The following GRIK1 variants were observed in gnomAD, a reference collection of about 807,000 sequenced individuals.
GRIK1 encodes glutamate ionotropic receptor kainate type subunit 1.
In GRIK1, 69 loss-of-function variants were observed where a neutral mutation model predicts 105.7. That is an observed-to-expected ratio of 0.65 (90% CI 0.54 to 0.80). GRIK1 has a LOEUF of 0.80. GRIK1 is among the 30% of genes least tolerant of loss of function. The pLI is 0.00. For missense variants in GRIK1, 1,109 were observed against 1,167.3 expected, an observed-to-expected ratio of 0.95 and a Z score of 0.73; for synonymous variants, 438 against 431.3, an observed-to-expected ratio of 1.02 and a Z score of -0.19.
At chr21:29,691,846 T>C (rs1475513974) in intron 2 of GRIK1, among the ~76,000 whole-genome samples, 1 of 152,234 alleles carries the variant, frequency 6.6e-6, no homozygotes, top group African/African-American at 2.4e-5. Context: ...AGCAAATGTT[T>C]ACAAGAAAAA....
At chr21:29,918,968 A>T (rs2071097768) in intron 1 of GRIK1, among the ~76,000 whole-genome samples, 1 of 151,912 alleles carries the variant, frequency 6.6e-6, no homozygotes, top group Non-Finnish European at 1.5e-5. Flanking sequence ...GCGAAGGGGA[A>T]GGCAAGGGAT....
rs1032488505 is a variant in GRIK1 at position 29,871,302 on chromosome 21, T to C, written c.118+68081A>G. Among the ~76,000 whole-genome samples, 3 of 152,176 alleles carry C rather than the reference T, an allele frequency of 2.0e-5. No homozygotes were observed. The East Asian group carries it at 5.8e-4, about 29-fold the overall frequency. On this transcript the variant is annotated intron_variant, in intron 1 of 17. Transcript: ENST00000327783. ...CCAGCATTTATAGAACACTTAAAAT[T>C]GTGAAGCATCCTGCAAAGCCCCCTT...
At chr21:29,700,383 G>T (rs577791467) in intron 1 of GRIK1, among the ~76,000 whole-genome samples, 5 of 152,286 alleles carry the variant, frequency 3.3e-5, no homozygotes, top group African/African-American at 9.6e-5. Flanking sequence ...CAACTGCTGG[G>T]TCAACAACAT....
At chr21:29,807,035 A>G (rs1271428279) in intron 1 of GRIK1, among the ~76,000 whole-genome samples, 1 of 152,198 alleles carries the variant, frequency 6.6e-6, no homozygotes, top group African/African-American at 2.4e-5. Context: ...TGATTCAGAT[A>G]CAGGTCTCAA....
chr21:29,668,261 T>C (rs1041254613), intron 4 of GRIK1, among the ~76,000 whole-genome samples: 2 of 152,192 alleles, frequency 1.3e-5, no homozygotes, highest in African/African-American at 4.8e-5. Context: ...GTAAATGTCT[T>C]AATTCACTAT....
At chr21:29,706,898 TC>T (rs1300043599) in intron 1 of GRIK1, among the ~76,000 whole-genome samples, 1 of 152,122 alleles carries the variant, frequency 6.6e-6, no homozygotes, top group African/African-American at 2.4e-5. Flanking sequence ...GGAGTCTCGC[TC>T]TGTTGCCCAG....
chr21:29,854,314 G>A (rs1418014925), intron 1 of GRIK1, among the ~76,000 whole-genome samples: 2 of 148,538 alleles, frequency 1.3e-5, no homozygotes, highest in Non-Finnish European at 3.0e-5. Flanking sequence ...CTATTCATGA[G>A]ATATTTGTTC....
intron 1 of GRIK1, among the ~76,000 whole-genome samples, chr21:29,724,381 G>A (rs1054176722): frequency 7.2e-5 from 11 of 152,142 alleles, no homozygotes; most frequent in Non-Finnish European, 1.6e-4. Flanking sequence ...AATCTGGCAG[G>A]ATTCATTTCT....
intron 7 of GRIK1, among the ~76,000 whole-genome samples, chr21:29,627,390 G>A (rs1254217528): frequency 6.6e-6 from 1 of 152,186 alleles, no homozygotes; most frequent in Non-Finnish European, 1.5e-5. Context: ...GAAAAGTAGA[G>A]GGAAGGTACC....
At chr21:29,716,050 A>C (rs930662101) in intron 1 of GRIK1, among the ~76,000 whole-genome samples, 6 of 151,896 alleles carry the variant, frequency 4.0e-5, no homozygotes, top group Non-Finnish European at 5.9e-5. Flanking sequence ...TTCTCATGAG[A>C]TCTGATGGTT....
At chr21:29,888,566 G>C (rs1410859288) in intron 1 of GRIK1, among the ~76,000 whole-genome samples, 1 of 151,522 alleles carries the variant, frequency 6.6e-6, no homozygotes, top group Non-Finnish European at 1.5e-5. Flanking sequence ...CCATTCACCC[G>C]GCCTAGCCCC....
intron 1 of GRIK1, among the ~76,000 whole-genome samples, chr21:29,737,830 G>A (rs1407535599): frequency 6.6e-6 from 1 of 152,220 alleles, no homozygotes; most frequent in Non-Finnish European, 1.5e-5. Context: ...CCTGTCAGAT[G>A]CGATCACCAT....
chr21:29,914,196 T>G (rs1417681734), intron 1 of GRIK1, among the ~76,000 whole-genome samples: 1 of 151,978 alleles, frequency 6.6e-6, no homozygotes, highest in East Asian at 1.9e-4. Flanking sequence ...CACCACACAT[T>G]GCTGAATGTC....
At chr21:29,875,284 C>T (rs774249917) in intron 1 of GRIK1, among the ~76,000 whole-genome samples, 1 of 152,068 alleles carries the variant, frequency 6.6e-6, no homozygotes, top group Admixed American at 6.6e-5. Context: ...AATGATTACT[C>T]TCTTTCTTCA....
chr21:29,888,218 T>TCTCTCTCC (rs2069744120), intron 1 of GRIK1, among the ~76,000 whole-genome samples: 1 of 129,106 alleles, frequency 7.7e-6, no homozygotes, highest in East Asian at 2.3e-4. Flanking sequence ...TCTCTCTCTC[T>TCTCTCTCC]CTCTCTCTCT....
At chr21:29,551,632 A>G in intron 16 of GRIK1, among the ~76,000 whole-genome samples, 1 of 151,272 alleles carries the variant, frequency 6.6e-6, no homozygotes. Flanking sequence ...GTAGTATAGA[A>G]ATATTAACTT....
At chr21:29,557,072 C>T (rs2090276144) in intron 15 of GRIK1, among the ~76,000 whole-genome samples, 3 of 152,196 alleles carry the variant, frequency 2.0e-5, no homozygotes, top group South Asian at 4.1e-4. Context: ...TTGGAAAGTG[C>T]CAACATCTAC....
At chr21:29,703,735 C>T (rs1176802407) in intron 1 of GRIK1, among the ~76,000 whole-genome samples, 1 of 152,162 alleles carries the variant, frequency 6.6e-6, no homozygotes, top group Non-Finnish European at 1.5e-5. Context: ...CAGAAAGTCC[C>T]AGCCAAGAAC....
In GRIK1 at chr21:29,673,127, G is replaced by A. The variant is rs2063192083; in HGVS notation, c.582C>T (p.Ser194=). The A allele has an allele frequency of 6.2e-7, 1 of 1,612,336 alleles. No individual in the cohort carries two copies. The highest frequency in any genetic ancestry group is 8.5e-7 in the Non-Finnish European group (1 of 1,178,576). Reference sequence around the variant, plus strand: ...GGATTTTGATTTTAATATTATATCTGGAGGGAGCTTTGATGAGCTCTTGTA... The same window carrying A: ...GGATTTTGATTTTAATATTATATCTAGAGGGAGCTTTGATGAGCTCTTGTA... ...IRLQELIKAP[S]RYNIKIKIRQ... Residue 194 remains serine, a synonymous_variant, in exon 4 of 18, where the codon TCC becomes TCT. Coordinates refer to ENST00000327783, the MANE Select transcript of GRIK1 (RefSeq NM_001330994.2).
Sources: allele counts gnomAD v4.1 joint callset (sites outside exome capture counted in the v4.1 genomes callset), GRCh38; gene constraint gnomAD v4.1.1; transcripts MANE v1.5; gene names NCBI Gene and HGNC (gene_info 2026-07-23, HGNC 2026-07-21).